The following XPOT variants were observed in gnomAD, a reference collection of about 807,000 sequenced individuals.
XPOT encodes exportin-T.
In XPOT, 34 loss-of-function variants were observed where a neutral mutation model predicts 128.2. The observed-to-expected ratio is 0.27, with a 90% CI of 0.20 to 0.35. The LOEUF (loss-of-function observed/expected upper bound fraction) is 0.35. Ranked by LOEUF, XPOT falls within the 10% of genes least tolerant of loss-of-function variation. The pLI is 1.00. For synonymous variants in XPOT, 348 were observed against 394.3 expected, an observed-to-expected ratio of 0.88 and a Z score of 1.39; for missense variants, 838 against 1,125.3, an observed-to-expected ratio of 0.74 and a Z score of 3.65.
rs1244060584 is a variant in XPOT at position 64,434,570 on chromosome 12, C to A, written c.2516C>A (p.Pro839Gln). 6.2e-7 allele frequency: 1 copy of A among 1,613,700 alleles called. No homozygotes were observed. Among genetic ancestry groups the A allele is most frequent in the Non-Finnish European group, 8.5e-7 (1 of 1,179,888 alleles). ...VIQGAVEYPDPIAQKTCFIIL... is the reference protein window; with the variant it reads ...VIQGAVEYPDQIAQKTCFIIL... The stretch of plus-strand genomic sequence containing the variant: ...CAAGGAGCAGTTGAATATCCAGATC[C>A]AATTGCACAGAAAACATGTTTTATC... The change falls in exon 20 of 25, where the codon CCA (proline) becomes CAA (glutamine). Residue 839 changes from proline to glutamine, a missense_variant. Around this residue, in one of 3 missense-constraint regions of XPOT, gnomAD observed 761 missense variants for 988.3 expected, o/e 0.77. Transcript: ENST00000332707.
At chr12:64,405,655 G>A (rs762107653) in intron 1 of XPOT, among the ~76,000 whole-genome samples, 1 of 152,212 alleles carries the variant, frequency 6.6e-6, no homozygotes, top group Non-Finnish European at 1.5e-5. Context: ...GTCTCGCTCG[G>A]TCGCCCAGGC....
At position 64,430,422 on chromosome 12, in the gene XPOT, C is replaced by A. The variant is rs569523920; in HGVS notation, c.1976+135C>A. 72 of 769,066 alleles carry A rather than the reference C, an allele frequency of 9.4e-5. No individual in the cohort carries two copies. The African/African-American group carries it at 1.2e-3, about 13-fold the overall frequency. 47.6% of individuals were successfully genotyped at this position (769,066 alleles called of 1,614,324 possible). On this transcript the variant is annotated intron_variant, in intron 17 of 24. Coordinates refer to ENST00000332707, the MANE Select transcript of XPOT (RefSeq NM_007235.6). The stretch of plus-strand genomic sequence containing the variant: ...TTGTCTAAATCTTTGTCCTCCAAAT[C>A]CAGTCAGTTAGATTTGGTTGAAGAA...
chr12:64,417,783 C>T (rs1195398071), intron 4 of XPOT, among the ~76,000 whole-genome samples: 3 of 152,196 alleles, frequency 2.0e-5, no homozygotes, highest in Non-Finnish European at 4.4e-5. Flanking sequence ...GACCACAAAA[C>T]ATTTTCATTC....
At chr12:64,420,661 T>A in intron 8 of XPOT, 140 bp downstream of exon 8, 2 of 639,550 alleles carry the variant, frequency 3.1e-6, no homozygotes, top group African/African-American at 1.8e-5. Context: ...CCACTGCATC[T>A]AGCCAAAATG....
chr12:64,420,276 A>G (rs781335240), intron 7 of XPOT, 22 bp downstream of exon 7: 5 of 1,586,762 alleles, frequency 3.2e-6, no homozygotes, highest in Non-Finnish European at 3.4e-6. Context: ...TATTATTTTT[A>G]TAGTATAAAC....
At chr12:64,422,858 GCGC>G (rs2040152056) in intron 9 of XPOT, 144 bp from the exon 10 acceptor site, 23 of 632,852 alleles carry the variant, frequency 3.6e-5, no homozygotes, top group East Asian at 6.1e-5. Context: ...AGCCATGACT[GCGC>G]CACTGCACTC....
chr12:64,445,991 T>A (rs1305996264), intron 24 of XPOT, among the ~76,000 whole-genome samples: 1 of 152,232 alleles, frequency 6.6e-6, no homozygotes. Context: ...CATCTTCCCT[T>A]GTCAGTTTTT....
intron 24 of XPOT, among the ~76,000 whole-genome samples, chr12:64,447,842 A>G (rs1411526975): frequency 6.6e-6 from 1 of 152,194 alleles, no homozygotes; most frequent in East Asian, 1.9e-4. Flanking sequence ...TCTTCTGACC[A>G]CTTGATTTCT....
intron 8 of XPOT, among the ~76,000 whole-genome samples, chr12:64,420,783 A>T (rs1042924418): frequency 6.6e-6 from 1 of 152,058 alleles, no homozygotes; most frequent in Non-Finnish European, 1.5e-5. Flanking sequence ...ACTTGTTCAT[A>T]GTGGAATTGA....
intron 21 of XPOT, among the ~76,000 whole-genome samples, chr12:64,435,189 CA>C (rs1297725252): frequency 3.9e-5 from 6 of 152,176 alleles, no homozygotes; most frequent in African/African-American, 1.4e-4. Context: ...AACATTCTTT[CA>C]AGCTTGAGTA....
intron 15 of XPOT, 51 bp from the exon 16 acceptor site, chr12:64,428,000 C>A: frequency 8.2e-7 from 1 of 1,225,808 alleles, no homozygotes; most frequent in Non-Finnish European, 1.2e-6. Flanking sequence ...GGTATTTTAG[C>A]ACTGTTTTGA....
At position 64,418,987 on chromosome 12, in the gene XPOT, A is replaced by G; in HGVS notation, c.382A>G (p.Ile128Val). ...TAAGTGGCCCAAGTTTTTTTTTGAC[A>G]TTCTCTCAGTAGTGGACCTAAATCC... ...LTKWPKFFFDILSVVDLNPRG... is the reference protein window; with the variant it reads ...LTKWPKFFFDVLSVVDLNPRG... Residue 128 changes from isoleucine (I) to valine (V), a missense_variant, in exon 6 of 25, where the codon ATT becomes GTT. This residue lies in a region of XPOT where 761 missense variants were observed against 988.3 expected (regional missense o/e 0.77). Transcript: ENST00000332707. The G allele has an allele frequency of 6.2e-7, 1 of 1,614,042 alleles. No homozygotes were observed. The highest frequency in any genetic ancestry group is 8.5e-7 in the Non-Finnish European group (1 of 1,180,006).
At chr12:64,435,001 A>T in intron 21 of XPOT, 92 bp downstream of exon 21, 1 of 1,024,126 alleles carries the variant, frequency 9.8e-7, no homozygotes, top group Non-Finnish European at 1.4e-6. Context: ...TGTTTCATTG[A>T]TTTTTTTTTT....
At position 64,439,034 on chromosome 12, in the gene XPOT, G is replaced by A. The variant is rs1351178589; in HGVS notation, c.2734-210G>A. 3.9e-5 allele frequency among the ~76,000 whole-genome samples: 6 copies of A among 152,302 alleles called. No homozygotes were observed. The South Asian group carries it at 6.2e-4, about 16-fold the overall frequency. On this transcript the variant is annotated intron_variant, in intron 22 of 24. Coordinates refer to ENST00000332707, the MANE Select transcript of XPOT (RefSeq NM_007235.6). ...ACATGTATACCTATGTAACAAAACTGCATGTTCTGCACATGTAACCCAGAA... is the reference window on the plus strand; with the variant it reads ...ACATGTATACCTATGTAACAAAACTACATGTTCTGCACATGTAACCCAGAA...
intron 21 of XPOT, 135 bp downstream of exon 21, chr12:64,435,044 T>A: frequency 2.8e-6 from 2 of 706,060 alleles, no homozygotes; most frequent in Non-Finnish European, 4.6e-6. Flanking sequence ...GTTCTTTTTT[T>A]AAAGATTTAT....
At chr12:64,420,288 T>A (rs756161485) in intron 7 of XPOT, 34 bp downstream of exon 7, 1 of 1,592,152 alleles carries the variant, frequency 6.3e-7, no homozygotes, top group Admixed American at 1.8e-5. Flanking sequence ...AGTATAAACT[T>A]GTAAAATACA....
At chr12:64,411,229 A>G (rs2040035976) in intron 2 of XPOT, among the ~76,000 whole-genome samples, 1 of 152,232 alleles carries the variant, frequency 6.6e-6, no homozygotes, top group African/African-American at 2.4e-5. Flanking sequence ...TTCTTGTCAT[A>G]GGGTTTTATG....
intron 22 of XPOT, among the ~76,000 whole-genome samples, chr12:64,436,521 A>C (rs2040283567): frequency 6.6e-6 from 1 of 152,106 alleles, no homozygotes; most frequent in Non-Finnish European, 1.5e-5. Flanking sequence ...ATGGCATCCA[A>C]AAGTGCTGAG....
intron 22 of XPOT, 74 bp from the exon 23 acceptor site, chr12:64,439,170 T>G: frequency 1.5e-6 from 2 of 1,373,666 alleles, no homozygotes; most frequent in South Asian, 2.3e-5. Context: ...AAAGTGTACA[T>G]GTATTGTTCC....
Sources: allele counts gnomAD v4.1 joint callset (sites outside exome capture counted in the v4.1 genomes callset), GRCh38; gene constraint gnomAD v4.1.1; regional missense constraint gnomAD v4.1.1; transcripts MANE v1.5; gene names NCBI Gene and HGNC (gene_info 2026-07-23, HGNC 2026-07-21).